The following CYFIP1 variants were observed in gnomAD, a reference collection of about 807,000 sequenced individuals.
CYFIP1 encodes cytoplasmic FMR1 interacting protein 1.
CYFIP1 carries 58 observed loss-of-function variants against 163.5 expected under a neutral mutation model. The ratio of observed to expected loss-of-function variants is 0.35; its 90% confidence interval spans 0.29 to 0.44. CYFIP1 has a LOEUF of 0.44. Ranked by LOEUF, CYFIP1 falls within the 20% of genes least tolerant of loss-of-function variation. CYFIP1 has a pLI of 1.00. For missense variants in CYFIP1, 1,338 were observed against 1,653.8 expected, an observed-to-expected ratio of 0.81 and a Z score of 3.31; for synonymous variants, 663 against 660.7, an observed-to-expected ratio of 1.00 and a Z score of -0.05.
chr15:22,914,983 G>A (rs1182690046), intron 16 of CYFIP1, 101 bp from the exon 17 acceptor site: 152 of 1,272,072 alleles, frequency 1.2e-4, no homozygotes, highest in Non-Finnish European at 1.5e-4. Flanking sequence ...GCTCCTCCTC[G>A]CTCAGCCCCA....
intron 1 of CYFIP1, among the ~76,000 whole-genome samples, chr15:22,967,348 C>G (rs1025831953): frequency 6.6e-6 from 1 of 152,194 alleles, no homozygotes; most frequent in Non-Finnish European, 1.5e-5. Context: ...CTTCAGAGCA[C>G]GCTCCCAGAT....
In CYFIP1 at chr15:22,917,748, C is replaced by T; in HGVS notation, c.1674+40G>A. The T allele has an allele frequency of 2.0e-6, 3 of 1,515,980 alleles. No homozygotes were observed. The highest frequency in any genetic ancestry group is 2.7e-6 in the Non-Finnish European group (3 of 1,128,806). The allele number at this position is 1,515,980 out of a possible 1,614,324, so 93.9% of individuals were successfully genotyped here. On this transcript the variant is annotated intron_variant, in intron 15 of 30. Transcript: ENST00000617928. The surrounding 1 kb of genome is among the most constrained non-coding windows in gnomAD (Gnocchi z 4.2). ...CCGCTCACAGCTCAGGGTGGGTCCCCCCAGGGAGAGGGTGCAGGCGGGGCT... is the reference window on the plus strand; with the variant it reads ...CCGCTCACAGCTCAGGGTGGGTCCCTCCAGGGAGAGGGTGCAGGCGGGGCT...
chr15:22,912,352 AAAC>A, intron 17 of CYFIP1, 77 bp from the exon 18 acceptor site: 1 of 1,099,564 alleles, frequency 9.1e-7, no homozygotes, highest in Non-Finnish European at 1.3e-6. Flanking sequence ...CCCACCTCAG[AAAC>A]TCAACTCCAT....
chr15:22,917,443 C>T lies in CYFIP1; in HGVS notation c.1674+345G>A. 2 of 549,338 alleles carry T rather than the reference C, an allele frequency of 3.6e-6. No individual in the cohort carries two copies. Among genetic ancestry groups the T allele is most frequent in the East Asian group, 4.1e-5 (1 of 24,290 alleles). 34.0% of individuals were successfully genotyped at this position (549,338 alleles called of 1,614,324 possible). A position where few individuals can be genotyped will look rare whatever the true frequency, so the allele number is the denominator to read the frequency against. ...CCCACGCCCCATCTACAGTCATTTG[C>T]AGACCCAACGTAAAAATTATACAGA... On this transcript the variant is annotated intron_variant, in intron 15 of 30. Coordinates refer to ENST00000617928, the MANE Select transcript of CYFIP1 (RefSeq NM_014608.6). The surrounding 1 kb of genome is among the most constrained non-coding windows in gnomAD (Gnocchi z 4.2).
At chr15:22,963,031 A>G (rs2062741707) in intron 1 of CYFIP1, among the ~76,000 whole-genome samples, 1 of 152,198 alleles carries the variant, frequency 6.6e-6, no homozygotes, top group South Asian at 2.1e-4. Flanking sequence ...AGCATTTTCT[A>G]AACAGGGCCA....
rs564989713 is a variant in CYFIP1, at chr15:22,902,885, TCTCTCATCAGAG to T, written c.2588+809_2588+820del. On this transcript the variant is annotated intron_variant, in intron 22 of 30. Coordinates refer to ENST00000617928, the MANE Select transcript of CYFIP1 (RefSeq NM_014608.6). Reference sequence around the variant, plus strand: ...CCGTGGGGCAGCTGCGCCTCTCCTCTCTCTCATCAGAGCTCTCATCAGAGCTCGGCATCCTGT... The same window carrying T: ...CCGTGGGGCAGCTGCGCCTCTCCTCTCTCTCATCAGAGCTCGGCATCCTGT... Among the ~76,000 whole-genome samples the T allele has an allele frequency of 2.5e-3, 377 of 152,258 alleles. 1 individual carries two copies. The highest frequency in any genetic ancestry group is 8.4e-3 in the African/African-American group (347 of 41,546).
intron 13 of CYFIP1, among the ~76,000 whole-genome samples, chr15:22,923,272 A>G (rs1418360584): frequency 6.6e-6 from 1 of 152,200 alleles, no homozygotes; most frequent in Non-Finnish European, 1.5e-5. Context: ...CAATAATAAA[A>G]AAGATAACCT....
At chr15:22,931,787 T>C (rs771889400) in intron 11 of CYFIP1, among the ~76,000 whole-genome samples, 5 of 149,126 alleles carry the variant, frequency 3.4e-5, no homozygotes, top group African/African-American at 1.2e-4. Context: ...TGAAGTACAG[T>C]CATGCACCAC....
At chr15:22,906,551 C>T (rs969245501) in intron 21 of CYFIP1, among the ~76,000 whole-genome samples, 39 of 149,408 alleles carry the variant, frequency 2.6e-4, no homozygotes, top group Non-Finnish European at 4.5e-4. Flanking sequence ...CTGCAACCTC[C>T]GCCTCCCGGG....
intron 1 of CYFIP1, chr15:22,951,670 G>C: frequency 1.4e-6 from 1 of 738,124 alleles, no homozygotes. Flanking sequence ...GTCGGACCGA[G>C]CACCCTGGGA....
chr15:22,964,640 C>G (rs1399060397), intron 1 of CYFIP1, among the ~76,000 whole-genome samples: 1 of 152,180 alleles, frequency 6.6e-6, no homozygotes, highest in Non-Finnish European at 1.5e-5. Context: ...AAAAAGGGAC[C>G]CCACCCTGTC....
At chr15:22,929,314 T>C (rs1392555542) in intron 11 of CYFIP1, among the ~76,000 whole-genome samples, 1 of 151,748 alleles carries the variant, frequency 6.6e-6, no homozygotes, top group African/African-American at 2.4e-5. Flanking sequence ...GTCACTGTAA[T>C]TAGTAGTGCT....
chr15:22,968,506 A>C (rs1473058790), intron 1 of CYFIP1, among the ~76,000 whole-genome samples: 1 of 152,196 alleles, frequency 6.6e-6, no homozygotes, highest in Non-Finnish European at 1.5e-5. Flanking sequence ...TGGACTTGCC[A>C]GCCTCTACAA....
At chr15:22,893,046 C>A in intron 22 of CYFIP1, 69 bp from the exon 23 acceptor site, 5 of 1,123,890 alleles carry the variant, frequency 4.4e-6, no homozygotes, top group Non-Finnish European at 6.6e-6. Flanking sequence ...ATTCAGAAGT[C>A]CTCCATAATC....
At chr15:22,980,393 C>G (rs933421968), upstream of CYFIP1, 2 of 151,914 alleles carry the variant, frequency 1.3e-5, no homozygotes, top group African/African-American at 4.8e-5. Context: ...TCGGCCTCCT[C>G]CCCTTCCTCC....
At chr15:22,971,633 GCCATTGCACT>G (rs148179605) in intron 1 of CYFIP1, among the ~76,000 whole-genome samples, 4,225 of 151,348 alleles carry the variant, frequency 0.028, 220 homozygotes, top group African/African-American at 0.097. Flanking sequence ...CCAAGATTGC[GCCATTGCACT>G]CTAGCCTGAG....
chr15:22,879,983 G>A lies in CYFIP1; in HGVS notation c.2972C>T (p.Thr991Met), dbSNP rs771146226. The change falls in exon 26 of 31, where the codon ACG (threonine) becomes ATG (methionine). Residue 991 changes from threonine to methionine, a missense_variant. Thr to Met is a moderately conservative substitution (Grantham distance 81, BLOSUM62 -1). This residue lies in a region of CYFIP1 where 22 missense variants were observed against 47.7 expected (regional missense o/e 0.46). Coordinates refer to ENST00000617928, the MANE Select transcript of CYFIP1 (RefSeq NM_014608.6). ...CTCCCGCAGGTTCTGGAAGCACACC[G>A]TCTTCAGCTCTGCGTACTCCACGAT... is the stretch of plus-strand genomic sequence containing the variant. The part of the protein sequence containing the change: ...KDIVEYAELK[T>M]VCFQNLREVG... The A allele has an allele frequency of 2.5e-6, 4 of 1,613,848 alleles. No homozygotes were observed. Among genetic ancestry groups the A allele is most frequent in the East Asian group, 2.2e-5 (1 of 44,876 alleles).
At position 22,956,811 on chromosome 15, in the gene CYFIP1, GCA is replaced by G. The variant is rs112257867; in HGVS notation, c.-6-9522_-6-9521del. On this transcript the variant is annotated intron_variant, in intron 1 of 30. Transcript: ENST00000617928. Reference sequence around the variant, plus strand: ...GCGAGCACACAGCAGAATGGTGGCTGCACACACAGGGACAACGTGCACTGCCC... The same window carrying G: ...GCGAGCACACAGCAGAATGGTGGCTGCACACAGGGACAACGTGCACTGCCC... Among the ~76,000 whole-genome samples the G allele has an allele frequency of 2.4e-4, 37 of 152,356 alleles. 1 individual carries two copies. The highest frequency in any genetic ancestry group is 8.4e-4 in the African/African-American group (35 of 41,596).
chr15:22,964,353 T>TCACACACACACACACACACACA (rs71117466), intron 1 of CYFIP1, among the ~76,000 whole-genome samples: 3 of 78,752 alleles, frequency 3.8e-5, no homozygotes, highest in Middle Eastern at 8.3e-3. Context: ...ACCTCATCAC[T>TCACACACACACACACACACACA]CACACACACA....
Sources: allele counts gnomAD v4.1 joint callset (sites outside exome capture counted in the v4.1 genomes callset), GRCh38; gene constraint gnomAD v4.1.1; regional missense constraint gnomAD v4.1.1; non-coding constraint Gnocchi (gnomAD v3.1); transcripts MANE v1.5; gene names NCBI Gene and HGNC (gene_info 2026-07-23, HGNC 2026-07-21).